Variants in HS6ST1 observed in about 807,000 individuals in gnomAD.
HS6ST1 encodes heparan-sulfate 6-O-sulfotransferase 1.
HS6ST1 carries 3 observed loss-of-function variants against 25.2 expected under a neutral mutation model. That is an observed-to-expected ratio of 0.12 (90% CI 0.05 to 0.31). The LOEUF is 0.31. HS6ST1 is among the 10% of genes least tolerant of loss of function. The pLI is 1.00. For synonymous variants in HS6ST1, 204 were observed against 275.1 expected, an observed-to-expected ratio of 0.74 and a Z score of 2.56; for missense variants, 310 against 609.6, an observed-to-expected ratio of 0.51 and a Z score of 5.18.
chr2:128,277,516 C>G (rs1693714211), intron 1 of HS6ST1, among the ~76,000 whole-genome samples: 1 of 152,216 alleles, frequency 6.6e-6, no homozygotes, highest in South Asian at 2.1e-4. Flanking sequence ...CCCCGAGGCG[C>G]CCTATCTGTA....
At chr2:128,286,591 T>C (rs975219816) in intron 1 of HS6ST1, among the ~76,000 whole-genome samples, 2 of 151,976 alleles carry the variant, frequency 1.3e-5, no homozygotes, top group African/African-American at 2.4e-5. Flanking sequence ...AGGAAATGAG[T>C]TCATGGTTTC....
Position 128,307,224 on chromosome 2 carries a change from G to A in HS6ST1, c.527+10813C>T, listed in dbSNP as rs548714791. Among the ~76,000 whole-genome samples the A allele has an allele frequency of 5.8e-4, 89 of 152,274 alleles. 1 individual carries two copies. The South Asian group carries it at 0.017, about 29-fold the overall frequency. On this transcript the variant is annotated intron_variant, in intron 1 of 1. Transcript: ENST00000259241. ...GGCTCAGGGCTGTGCAGGTGCCACC[G>A]TGGGCACTGCTGAGGATCTCCAGGG...
chr2:128,270,634 GCT>G (rs1693596286), intron 1 of HS6ST1, among the ~76,000 whole-genome samples: 1 of 152,238 alleles, frequency 6.6e-6, no homozygotes. Context: ...GGCCCTGACT[GCT>G]CAGAAGAGGC....
Position 128,318,835 on chromosome 2 carries a change from CCCGCT to C in HS6ST1, c.-277_-273del, listed in dbSNP as rs1175457185. 6.8e-6 allele frequency among the ~76,000 whole-genome samples: 1 copy of C among 147,896 alleles called. No homozygotes were observed. Among genetic ancestry groups the C allele is most frequent in the Admixed American group, 6.7e-5 (1 of 14,906 alleles). On this transcript the variant is annotated 5_prime_UTR_variant, in exon 1 of 2. Coordinates refer to ENST00000259241, the MANE Select transcript of HS6ST1 (RefSeq NM_004807.3). The surrounding 1 kb of genome is among the most constrained non-coding windows in gnomAD (Gnocchi z 5.7). ...GCGCTCTCCGCGCCCCCAGCACCAG[CCCGCT>C]CCGCTCCACTCCGCGCCGAGAACGC... is the stretch of plus-strand genomic sequence containing the variant.
At chr2:128,306,001 G>A (rs1694202220) in intron 1 of HS6ST1, among the ~76,000 whole-genome samples, 1 of 152,214 alleles carries the variant, frequency 6.6e-6, no homozygotes, top group African/African-American at 2.4e-5. Flanking sequence ...GAGTTTGGGG[G>A]AAATCCTGCA....
chr2:128,303,505 G>A (rs542794738), intron 1 of HS6ST1, among the ~76,000 whole-genome samples: 1 of 152,356 alleles, frequency 6.6e-6, no homozygotes. Context: ...ACCCAATCAT[G>A]CAAAACCCTG....
At chr2:128,284,859 C>T (rs767513080) in intron 1 of HS6ST1, among the ~76,000 whole-genome samples, 5 of 152,190 alleles carry the variant, frequency 3.3e-5, no homozygotes, top group African/African-American at 4.8e-5. Flanking sequence ...GAGCCAGAAA[C>T]GGAGAGGGAC....
At chr2:128,275,351 C>T (rs987191958) in intron 1 of HS6ST1, among the ~76,000 whole-genome samples, 3 of 151,796 alleles carry the variant, frequency 2.0e-5, no homozygotes, top group Non-Finnish European at 4.4e-5. Context: ...CTTCATCTAT[C>T]GAAACAAAGT....
chr2:128,270,752 C>G (rs1693598450), intron 1 of HS6ST1, among the ~76,000 whole-genome samples: 1 of 152,188 alleles, frequency 6.6e-6, no homozygotes. Context: ...TGGAGACAGG[C>G]CAGTGTGGCA....
intron 1 of HS6ST1, among the ~76,000 whole-genome samples, chr2:128,272,487 G>A (rs1275911450): frequency 1.3e-5 from 2 of 152,234 alleles, no homozygotes; most frequent in East Asian, 1.9e-4. Flanking sequence ...TGACCATCAC[G>A]GGTGGGGGTG....
intron 1 of HS6ST1, among the ~76,000 whole-genome samples, chr2:128,308,831 G>A (rs1694248527): frequency 6.6e-6 from 1 of 152,238 alleles, no homozygotes; most frequent in Admixed American, 6.5e-5. Flanking sequence ...GAAGCTCCCT[G>A]CAAACCAACT....
intron 1 of HS6ST1, among the ~76,000 whole-genome samples, chr2:128,294,025 G>A (rs193247638): frequency 6.6e-6 from 1 of 152,316 alleles, no homozygotes; most frequent in East Asian, 1.9e-4. Flanking sequence ...AAGCCAGTAG[G>A]CTTGGCTCTG....
rs913912768 is a variant in HS6ST1 at position 128,267,868 on chromosome 2, A to C, written c.*294T>G. On this transcript the variant is annotated 3_prime_UTR_variant, in exon 2 of 2. Transcript: ENST00000259241. Reference sequence around the variant, plus strand: ...AACCTTCAGTTTTTGCGATAAATCCAAGGAGGCCAGGAGAGCAGCTCCAGG... The same window carrying C: ...AACCTTCAGTTTTTGCGATAAATCCCAGGAGGCCAGGAGAGCAGCTCCAGG... The C allele has an allele frequency of 2.0e-5, 11 of 553,892 alleles. No individual in the cohort carries two copies. The Admixed American group carries it at 3.5e-4, about 17-fold the overall frequency. 34.3% of individuals were successfully genotyped at this position (553,892 alleles called of 1,614,324 possible).
In HS6ST1 at chr2:128,290,301, C is replaced by G. The variant is rs534381979; in HGVS notation, c.528-21431G>C. 6 of 152,012 alleles carry G rather than the reference C, an allele frequency of 3.9e-5. 1 individual carries two copies. The highest frequency in any genetic ancestry group is 3.4e-3 in the Middle Eastern group (1 of 294). The allele number at this position is 152,012 out of a possible 1,614,324, so 9.4% of individuals were successfully genotyped here. A position where few individuals can be genotyped will look rare whatever the true frequency, so the allele number is the denominator to read the frequency against. On this transcript the variant is annotated intron_variant, in intron 1 of 1. Transcript: ENST00000259241. ...AAGAACCAGATTTTTGTAAGCAAAC[C>G]CTCCTAGACAAGAGTAAAGCAGTGG...
intron 1 of HS6ST1, among the ~76,000 whole-genome samples, chr2:128,281,812 G>A (rs1266745062): frequency 6.6e-6 from 1 of 152,252 alleles, no homozygotes; most frequent in Non-Finnish European, 1.5e-5. Flanking sequence ...GGGCTCAGGA[G>A]TAACTGAATT....
At chr2:128,300,209 G>T (rs1396485624) in intron 1 of HS6ST1, among the ~76,000 whole-genome samples, 1 of 152,208 alleles carries the variant, frequency 6.6e-6, no homozygotes, top group Non-Finnish European at 1.5e-5. Context: ...TAAGCTGAGG[G>T]CATAGCTGGC....
At chr2:128,314,805 G>GC (rs1192339667) in intron 1 of HS6ST1, among the ~76,000 whole-genome samples, 2 of 152,248 alleles carry the variant, frequency 1.3e-5, no homozygotes, top group Admixed American at 1.3e-4. Context: ...TGGCCCAGAT[G>GC]CCACACTTGG....
intron 1 of HS6ST1, among the ~76,000 whole-genome samples, chr2:128,282,356 C>T (rs1693801149): frequency 6.6e-6 from 1 of 152,234 alleles, no homozygotes; most frequent in African/African-American, 2.4e-5. Context: ...GACTCTGGCC[C>T]AACCTGGTGG....
intron 1 of HS6ST1, among the ~76,000 whole-genome samples, chr2:128,277,556 C>T (rs527984687): frequency 9.8e-5 from 15 of 152,324 alleles, no homozygotes; most frequent in African/African-American, 3.6e-4. Flanking sequence ...GTGCAGCCGG[C>T]CTACGTCCCT....
Sources: gnomAD v4.1 joint callset for allele counts (sites outside exome capture counted in the v4.1 genomes callset) on GRCh38, gnomAD v4.1.1 for gene constraint, Gnocchi (gnomAD v3.1) non-coding constraint, MANE v1.5 for transcripts, NCBI Gene and HGNC (gene_info 2026-07-23, HGNC 2026-07-21) for gene names.